SNX13: variants seen among roughly 807,000 people sequenced by gnomAD.
SNX13 encodes sorting nexin-13.
SNX13 carries 45 observed loss-of-function variants against 133.6 expected under a neutral mutation model. The ratio of observed to expected loss-of-function variants is 0.34; its 90% CI spans 0.27 to 0.43. SNX13 has a LOEUF of 0.43. Ranked by LOEUF, SNX13 falls within the 20% of genes least tolerant of loss-of-function variation. SNX13 has a pLI of 1.00. For synonymous variants in SNX13, 414 were observed against 373.9 expected, an observed-to-expected ratio of 1.11 and a Z score of -1.24; for missense variants, 1,032 against 1,145.1, an observed-to-expected ratio of 0.90 and a Z score of 1.43.
chr7:17,875,396 T>C, intron 7 of SNX13, 84 bp downstream of exon 7: 1 of 1,079,046 alleles, frequency 9.3e-7, no homozygotes, highest in South Asian at 1.5e-5. Flanking sequence ...GTAAGAATAA[T>C]TTTACCCTTA....
At position 17,850,954 on chromosome 7, in the gene SNX13, G is replaced by A. The variant is rs763771169; in HGVS notation, c.848C>T (p.Ser283Phe). The A allele has an allele frequency of 6.9e-6, 11 of 1,602,808 alleles. No individual in the cohort carries two copies. In the South Asian group the frequency reaches 1.0e-4, roughly 15 times the overall value. Residue 283 changes from serine (S) to phenylalanine (F), a missense_variant, in exon 10 of 26, where the codon TCT (serine) becomes TTT (phenylalanine). By Grantham distance (155) the Ser-to-Phe change is radical. Transcript: ENST00000428135. ...CATAAAGGCCTCATAGTTGCAGTTA[G>A]AATCACGGATCTGAAAACAAGTTTA... ...NQYVIWMIRD[S>F]NCNYEAFMNI...
At chr7:17,877,047 A>G (rs1490744462) in intron 5 of SNX13, among the ~76,000 whole-genome samples, 37 of 131,480 alleles carry the variant, frequency 2.8e-4, no homozygotes, top group African/African-American at 9.8e-4. Context: ...TACTTTTTGA[A>G]AAAAAAAAAA....
intron 1 of SNX13, among the ~76,000 whole-genome samples, chr7:17,924,627 T>C (rs925752035): frequency 2.6e-5 from 4 of 152,106 alleles, no homozygotes; most frequent in Non-Finnish European, 5.9e-5. Context: ...TCAAAAGAAA[T>C]GAAAACATAT....
chr7:17,842,714 A>G (rs993854510), intron 12 of SNX13, among the ~76,000 whole-genome samples: 2 of 152,082 alleles, frequency 1.3e-5, no homozygotes, highest in Admixed American at 6.6e-5. Context: ...ATAATTTACA[A>G]AAGTAACTCA....
At chr7:17,912,970 G>C (rs1024184682) in intron 1 of SNX13, among the ~76,000 whole-genome samples, 3 of 152,172 alleles carry the variant, frequency 2.0e-5, no homozygotes, top group African/African-American at 7.2e-5. Context: ...TAGGATGCAA[G>C]ACTCGCAGCC....
At chr7:17,918,515 T>G (rs1210743103) in intron 1 of SNX13, among the ~76,000 whole-genome samples, 1 of 152,174 alleles carries the variant, frequency 6.6e-6, no homozygotes, top group Non-Finnish European at 1.5e-5. Context: ...AACATATTTT[T>G]TAAAATGCTT....
rs1783726900 is a variant in SNX13 at position 17,793,336 on chromosome 7, G to T, written c.*709C>A. The T allele has an allele frequency of 1.3e-5, 2 of 152,192 alleles. No individual in the cohort carries two copies. Among genetic ancestry groups the T allele is most frequent in the South Asian group, 4.1e-4 (2 of 4,826 alleles). The allele number at this position is 152,192 out of a possible 1,614,324, so 9.4% of individuals were successfully genotyped here. On this transcript the variant is annotated 3_prime_UTR_variant, in exon 26 of 26. Coordinates refer to ENST00000428135, the MANE Select transcript of SNX13 (RefSeq NM_015132.5). ...ATGCCAAAAGGAAACATAAAATTGA[G>T]TACCCTAAGAGCAAAACACAGCCCT...
chr7:17,935,237 A>G, intron 1 of SNX13, among the ~76,000 whole-genome samples: 1 of 152,232 alleles, frequency 6.6e-6, no homozygotes, highest in East Asian at 1.9e-4. Context: ...AACATGGAGA[A>G]CATCATGCTA....
intron 20 of SNX13, among the ~76,000 whole-genome samples, chr7:17,805,211 T>TGTGTGTGTG (rs756302031): frequency 8.4e-6 from 1 of 118,492 alleles, no homozygotes; most frequent in Non-Finnish European, 1.7e-5. Flanking sequence ...TAATGATTCT[T>TGTGTGTGTG]TGTGTGTGTG....
At chr7:17,875,377 C>A in intron 7 of SNX13, 103 bp downstream of exon 7, 1 of 791,262 alleles carries the variant, frequency 1.3e-6, no homozygotes, top group South Asian at 1.9e-5. Context: ...ACTATGCTAC[C>A]TGCCCTAAGT....
intron 1 of SNX13, among the ~76,000 whole-genome samples, chr7:17,924,079 A>G (rs1800446838): frequency 1.3e-5 from 2 of 152,196 alleles, no homozygotes; most frequent in Admixed American, 1.3e-4. Flanking sequence ...TTAATGCATT[A>G]CAGAATTTAA....
chr7:17,905,572 T>G lies in SNX13; in HGVS notation c.13-8126A>C, dbSNP rs1798302332. Among the ~76,000 whole-genome samples the G allele has an allele frequency of 6.6e-5, 10 of 152,334 alleles. No individual in the cohort carries two copies. The South Asian group carries it at 2.1e-3, about 32-fold the overall frequency. On this transcript the variant is annotated intron_variant, in intron 1 of 25. Transcript: ENST00000428135. ...TCTCCTTTATTTACAATTACCCAAT[T>G]CTTTCCACCAAAATAGTACTACCCA...
intron 10 of SNX13, 111 bp downstream of exon 10, chr7:17,850,715 T>C (rs1454286287): frequency 2.3e-6 from 2 of 882,466 alleles, no homozygotes; most frequent in East Asian, 5.8e-5. Flanking sequence ...GAAGATTTAA[T>C]TAAGGTGAAA....
chr7:17,830,184 A>AAAAATT, intron 15 of SNX13, 137 bp from the exon 16 acceptor site: 1 of 1,125,462 alleles, frequency 8.9e-7, no homozygotes, highest in Non-Finnish European at 1.1e-6. Flanking sequence ...AAAAAAAAAA[A>AAAAATT]TTGTGGATAC....
rs1270484299 is a variant in SNX13, at chr7:17,875,626, C to G, written c.562+43G>C. The G allele has an allele frequency of 1.9e-6, 3 of 1,606,736 alleles. No individual in the cohort carries two copies. The South Asian group carries it at 3.3e-5, about 18-fold the overall frequency. On this transcript the variant is annotated intron_variant, in intron 6 of 25. Transcript: ENST00000428135. ...GATATATAAAATGATGAAAGGAAAA[C>G]AGATTTTCAAATCCTAGTTTTCAAA... is the stretch of plus-strand genomic sequence containing the variant.
intron 1 of SNX13, among the ~76,000 whole-genome samples, chr7:17,931,324 A>C (rs909995266): frequency 6.7e-6 from 1 of 150,186 alleles, no homozygotes; most frequent in South Asian, 2.1e-4. Context: ...GGATAACACA[A>C]TATCACATCT....
At chr7:17,803,690 C>A in intron 20 of SNX13, 110 bp from the exon 21 acceptor site, 3 of 956,552 alleles carry the variant, frequency 3.1e-6, no homozygotes, top group Non-Finnish European at 4.5e-6. Context: ...CAGTAATTTT[C>A]TGGTCTATAT....
At chr7:17,895,778 T>G (rs1797138931) in intron 2 of SNX13, among the ~76,000 whole-genome samples, 1 of 152,228 alleles carries the variant, frequency 6.6e-6, no homozygotes. Context: ...ATTAATAAAC[T>G]GATTACTCTT....
chr7:17,845,360 T>C (rs1407926694), intron 12 of SNX13, among the ~76,000 whole-genome samples: 6 of 152,144 alleles, frequency 3.9e-5, no homozygotes, highest in Admixed American at 1.3e-4. Flanking sequence ...AGAATGATGG[T>C]TGCAGGGGTT....
Sources: gnomAD v4.1 joint callset for allele counts (sites outside exome capture counted in the v4.1 genomes callset) on GRCh38, gnomAD v4.1.1 for gene constraint, MANE v1.5 for transcripts, NCBI Gene and HGNC (gene_info 2026-07-23, HGNC 2026-07-21) for gene names.